ANTXR1: variants seen among roughly 807,000 people sequenced by gnomAD.
The protein encoded by ANTXR1 is anthrax toxin receptor 1.
Under a neutral mutation model 78.1 loss-of-function variants are expected in ANTXR1, and 19 were observed. That is an observed-to-expected ratio of 0.24 (90% CI 0.17 to 0.36). ANTXR1 has a LOEUF of 0.36. Among genes scored for constraint, ANTXR1 ranks in the 10% least tolerant of loss-of-function variants. The probability of loss-of-function intolerance (pLI) is 1.00; values close to 1 mark genes in which losing one functional copy is unlikely to be tolerated. For synonymous variants in ANTXR1, 273 were observed against 260.5 expected (o/e 1.05, Z -0.46); for missense variants, 518 against 718.6 (o/e 0.72, Z 3.19).
At chr2:69,157,111 A>G (rs1245846593) in intron 13 of ANTXR1, among the ~76,000 whole-genome samples, 3 of 152,178 alleles carry the variant, frequency 2.0e-5, no homozygotes, top group African/African-American at 7.2e-5. Flanking sequence ...TGAATTTCCC[A>G]GCCAGTGGTC....
At chr2:69,048,255 T>G (rs1669832909) in intron 3 of ANTXR1, among the ~76,000 whole-genome samples, 1 of 152,178 alleles carries the variant, frequency 6.6e-6, no homozygotes, top group Non-Finnish European at 1.5e-5. Flanking sequence ...AATTTTGCCT[T>G]TTGTTAAGAT....
intron 12 of ANTXR1, among the ~76,000 whole-genome samples, chr2:69,143,802 G>C (rs1673140344): frequency 2.0e-5 from 3 of 152,080 alleles, no homozygotes; most frequent in Non-Finnish European, 4.4e-5. Flanking sequence ...TTAAAGGTCA[G>C]GTACAAGAAG....
chr2:69,023,421 T>G (rs930416977), intron 1 of ANTXR1, among the ~76,000 whole-genome samples: 2 of 151,620 alleles, frequency 1.3e-5, no homozygotes, highest in Non-Finnish European at 2.9e-5. Flanking sequence ...GTGGTGGTGA[T>G]AGTGATAGTG....
At chr2:69,166,466 G>A (rs2104447287) in intron 13 of ANTXR1, among the ~76,000 whole-genome samples, 1 of 152,220 alleles carries the variant, frequency 6.6e-6, no homozygotes, top group Non-Finnish European at 1.5e-5. Context: ...TAGTGCAAAA[G>A]GGACTCTAGG....
At chr2:69,187,713 G>A (rs778142792) in intron 16 of ANTXR1, among the ~76,000 whole-genome samples, 1 of 146,666 alleles carries the variant, frequency 6.8e-6, no homozygotes, top group Non-Finnish European at 1.5e-5. Flanking sequence ...TCAGCCTCCC[G>A]AGTAGCTGGG....
intron 8 of ANTXR1, among the ~76,000 whole-genome samples, chr2:69,085,504 G>A (rs1253454649): frequency 6.6e-6 from 1 of 152,126 alleles, no homozygotes; most frequent in Non-Finnish European, 1.5e-5. Context: ...CACTTATAGG[G>A]GGAAAGGGAG....
At chr2:69,140,109 C>T (rs1673028808) in intron 12 of ANTXR1, among the ~76,000 whole-genome samples, 1 of 152,138 alleles carries the variant, frequency 6.6e-6, no homozygotes, top group Non-Finnish European at 1.5e-5. Context: ...CCTTCACCAT[C>T]GTAAGTAACA....
intron 8 of ANTXR1, among the ~76,000 whole-genome samples, chr2:69,079,404 C>T (rs10205391): frequency 6.6e-6 from 1 of 151,926 alleles, no homozygotes; most frequent in Non-Finnish European, 1.5e-5. Flanking sequence ...GAGAAGGCAG[C>T]GCAGACCCGA....
At chr2:69,162,195 G>A (rs770204168) in intron 13 of ANTXR1, among the ~76,000 whole-genome samples, 1 of 152,118 alleles carries the variant, frequency 6.6e-6, no homozygotes, top group Non-Finnish European at 1.5e-5. Context: ...GAAATCAGAT[G>A]GTCATCTGAC....
rs554780301 is a variant in ANTXR1 at position 69,017,902 on chromosome 2, A to AC, written c.152+4258dup. 2.0e-4 allele frequency among the ~76,000 whole-genome samples: 30 copies of AC among 151,198 alleles called. 1 individual carries two copies. The highest frequency in any genetic ancestry group is 8.4e-4 in the South Asian group (4 of 4,746). ...ATAACTACCTTCCCTCTCTCACAGC[A>AC]CCCCCCCACCCTCTCTTATTACGTA... On this transcript the variant is annotated intron_variant, in intron 1 of 17. Coordinates refer to ENST00000303714, the MANE Select transcript of ANTXR1 (RefSeq NM_032208.3).
intron 17 of ANTXR1, among the ~76,000 whole-genome samples, chr2:69,242,690 T>G (rs1675922696): frequency 6.6e-6 from 1 of 152,174 alleles, no homozygotes; most frequent in South Asian, 2.1e-4. Flanking sequence ...CTGTCTGACT[T>G]TGCATGTCTA....
chr2:69,041,494 T>G (rs1480918648), intron 2 of ANTXR1, among the ~76,000 whole-genome samples: 1 of 152,206 alleles, frequency 6.6e-6, no homozygotes, highest in Non-Finnish European at 1.5e-5. Context: ...TTCTGTTCTC[T>G]CTGAAGTGGA....
chr2:69,016,393 G>GA (rs566668102), intron 1 of ANTXR1, among the ~76,000 whole-genome samples: 3 of 151,926 alleles, frequency 2.0e-5, no homozygotes, highest in East Asian at 1.9e-4. Flanking sequence ...ATGTCCTAAA[G>GA]AAAAAAAATC....
intron 9 of ANTXR1, among the ~76,000 whole-genome samples, chr2:69,100,508 CA>C (rs993746496): frequency 3.3e-5 from 5 of 152,192 alleles, no homozygotes; most frequent in African/African-American, 4.8e-5. Context: ...GCCAAGCAGA[CA>C]TGCAGGCAGC....
intron 1 of ANTXR1, among the ~76,000 whole-genome samples, chr2:69,036,253 T>C (rs993336427): frequency 3.3e-5 from 5 of 152,186 alleles, no homozygotes; most frequent in African/African-American, 1.2e-4. Context: ...ATAGTGGATG[T>C]ATATATTTAC....
At chr2:69,232,462 C>T (rs1675643487) in intron 17 of ANTXR1, among the ~76,000 whole-genome samples, 1 of 149,188 alleles carries the variant, frequency 6.7e-6, no homozygotes, top group Non-Finnish European at 1.5e-5. Flanking sequence ...GACACCACTG[C>T]ACTCCAGCCT....
chr2:69,188,414 T>C (rs981025808), intron 16 of ANTXR1, among the ~76,000 whole-genome samples: 5 of 152,232 alleles, frequency 3.3e-5, no homozygotes, highest in Non-Finnish European at 1.5e-5. Flanking sequence ...CAGAATGCTA[T>C]GAATGCTGGC....
chr2:69,068,491 G>T (rs1264144422), intron 3 of ANTXR1, among the ~76,000 whole-genome samples: 1 of 152,138 alleles, frequency 6.6e-6, no homozygotes, highest in Non-Finnish European at 1.5e-5. Context: ...AGTGTTCCCG[G>T]GCAGCAGTGA....
intron 9 of ANTXR1, among the ~76,000 whole-genome samples, chr2:69,099,492 T>C (rs906575958): frequency 2.0e-5 from 3 of 152,252 alleles, no homozygotes; most frequent in African/African-American, 4.8e-5. Context: ...ATAAGGTAAC[T>C]GTGTTTAACT....
Sources: allele counts gnomAD v4.1 joint callset (sites outside exome capture counted in the v4.1 genomes callset), GRCh38; gene constraint gnomAD v4.1.1; transcripts MANE v1.5; gene names NCBI Gene and HGNC (gene_info 2026-07-23, HGNC 2026-07-21).